Variants in MYO18B observed in about 807,000 individuals in gnomAD.
The protein encoded by MYO18B is unconventional myosin-XVIIIb.
MYO18B carries 204 observed loss-of-function variants against 273.0 expected under a neutral mutation model. The ratio of observed to expected loss-of-function variants is 0.75; its 90% CI spans 0.67 to 0.84. The LOEUF is 0.84. Ranked by LOEUF, MYO18B falls within the 40% of genes least tolerant of loss-of-function variation. MYO18B has a pLI of 0.00. For missense variants in MYO18B, 3,212 were observed against 3,287.6 expected (o/e 0.98, Z 0.56); for synonymous variants, 1,330 against 1,305.7 (o/e 1.02, Z -0.40).
chr22:25,856,707 A>G (rs1178920263), intron 21 of MYO18B, among the ~76,000 whole-genome samples: 1 of 152,174 alleles, frequency 6.6e-6, no homozygotes, highest in African/African-American at 2.4e-5. Flanking sequence ...GGAGGTGCAT[A>G]GATAGTTTCG....
intron 43 of MYO18B, among the ~76,000 whole-genome samples, chr22:26,029,491 G>C (rs1042912958): frequency 6.6e-6 from 1 of 152,146 alleles, no homozygotes; most frequent in African/African-American, 2.4e-5. Flanking sequence ...TGCTCTCGGG[G>C]ACACAGAAAG....
downstream of MYO18B, among the ~76,000 whole-genome samples, chr22:26,033,829 CTTCTTTCTTTCT>C (rs200125705): frequency 2.9e-5 from 3 of 103,652 alleles, 1 homozygote; most frequent in African/African-American, 1.4e-4. Flanking sequence ...TCCTCCCTTC[CTTCTTTCTTTCT>C]TTCCTTTCTT....
chr22:25,875,739 A>G (rs1320982339), intron 23 of MYO18B, among the ~76,000 whole-genome samples: 3 of 152,188 alleles, frequency 2.0e-5, no homozygotes, highest in African/African-American at 7.2e-5. Flanking sequence ...CTGTTTAAAT[A>G]CACTGTGAAA....
intron 35 of MYO18B, among the ~76,000 whole-genome samples, 192 bp from the exon 36 acceptor site, chr22:25,947,519 CA>C (rs1370278353): frequency 1.2e-4 from 18 of 151,126 alleles, no homozygotes; most frequent in South Asian, 4.2e-4. Flanking sequence ...CACACACACA[CA>C]CACACACACA....
intron 36 of MYO18B, among the ~76,000 whole-genome samples, chr22:25,948,337 C>T (rs1285932222): frequency 5.9e-5 from 9 of 152,196 alleles, no homozygotes; most frequent in South Asian, 2.1e-4. Context: ...ATTCATCCAT[C>T]CTACCACCGC....
At chr22:25,931,345 A>T (rs1427704870) in intron 34 of MYO18B, among the ~76,000 whole-genome samples, 1 of 152,242 alleles carries the variant, frequency 6.6e-6, no homozygotes, top group Non-Finnish European at 1.5e-5. Context: ...ATCTCCCCAA[A>T]AGGACCTGTT....
In MYO18B at chr22:25,895,061, A is replaced by G. The variant is rs1174593006; in HGVS notation, c.4544-95A>G. ...GGCTCTGTGAATATTGTGAAATTGC[A>G]TGCCAAGAGCCAAGAAAGTGGAGGA... is the stretch of plus-strand genomic sequence containing the variant. On this transcript the variant is annotated intron_variant, in intron 27 of 43. Transcript: ENST00000335473. 6 of 1,429,832 alleles carry G rather than the reference A, an allele frequency of 4.2e-6. No homozygotes were observed. The Admixed American group carries it at 6.4e-5, about 15-fold the overall frequency. The allele number at this position is 1,429,832 out of a possible 1,614,324, so 88.6% of individuals were successfully genotyped here. A position where few individuals can be genotyped will look rare whatever the true frequency, so the allele number is the denominator to read the frequency against.
chr22:25,878,078 T>TG, intron 25 of MYO18B, 30 bp downstream of exon 25: 1 of 1,521,834 alleles, frequency 6.6e-7, no homozygotes, highest in Non-Finnish European at 8.9e-7. Flanking sequence ...TGGGTCCTTG[T>TG]GGGGGGTCTT....
At chr22:25,757,639 G>A (rs1353768251) in intron 1 of MYO18B, among the ~76,000 whole-genome samples, 1 of 151,992 alleles carries the variant, frequency 6.6e-6, no homozygotes, top group Admixed American at 6.6e-5. Flanking sequence ...GGTTACTCTG[G>A]CAGCTGGGAT....
chr22:26,012,170 A>G (rs1370094680), intron 42 of MYO18B, among the ~76,000 whole-genome samples: 2 of 152,234 alleles, frequency 1.3e-5, no homozygotes, highest in Non-Finnish European at 2.9e-5. Flanking sequence ...TACAGACAGG[A>G]AGCCAAAGAT....
Position 26,027,429 on chromosome 22 carries a change from C to G in MYO18B, c.7455C>G (p.Leu2485=), listed in dbSNP as rs373676374. ...FETEEANRSF[L]SGIKTILKKS... ...CGGAAGAGGCTAACCGTTCCTTTCT[C>G]TCGGGGATCAAGACCATTTTGAAGA... The change falls in exon 43 of 44, where the codon CTC becomes CTG. Residue 2485 remains leucine, a synonymous_variant. Transcript: ENST00000335473. The surrounding 1 kb of genome is among the most constrained non-coding windows in gnomAD (Gnocchi z 4.1). 2.5e-6 allele frequency: 4 copies of G among 1,613,874 alleles called. No individual in the cohort carries two copies. The highest frequency in any genetic ancestry group is 3.4e-6 in the Non-Finnish European group (4 of 1,179,888).
At chr22:25,850,469 G>A (rs776869572) in intron 20 of MYO18B, among the ~76,000 whole-genome samples, 4 of 152,136 alleles carry the variant, frequency 2.6e-5, no homozygotes, top group Non-Finnish European at 4.4e-5. Flanking sequence ...TGTAAAATGA[G>A]GATGATAACA....
chr22:25,945,021 A>G (rs2092688501), intron 34 of MYO18B, among the ~76,000 whole-genome samples: 1 of 152,114 alleles, frequency 6.6e-6, no homozygotes, highest in African/African-American at 2.4e-5. Context: ...CTAGGATAGG[A>G]GGCCTACTGT....
At chr22:25,986,595 A>G (rs1380753560) in intron 39 of MYO18B, among the ~76,000 whole-genome samples, 1 of 152,234 alleles carries the variant, frequency 6.6e-6, no homozygotes, top group Non-Finnish European at 1.5e-5. Flanking sequence ...CTTATTTAAC[A>G]CGTATTTATT....
chr22:25,755,682 G>T (rs1434121416), intron 1 of MYO18B, among the ~76,000 whole-genome samples: 1 of 152,182 alleles, frequency 6.6e-6, no homozygotes, highest in Non-Finnish European at 1.5e-5. Context: ...TAATCAGCGA[G>T]TTCTTGCTCT....
Position 25,768,314 on chromosome 22 carries a change from C to T in MYO18B, c.398C>T (p.Ser133Phe). ...INGEKAQELGSSATPTKKTVP... is the reference protein window; with the variant it reads ...INGEKAQELGFSATPTKKTVP... ...GGTGAGAAGGCCCAGGAGCTGGGCTCCAGTGCGACACCAACCAAAAAGACT... is the reference window on the plus strand; with the variant it reads ...GGTGAGAAGGCCCAGGAGCTGGGCTTCAGTGCGACACCAACCAAAAAGACT... Residue 133 changes from serine to phenylalanine, a missense_variant, in exon 4 of 44, where the codon TCC becomes TTC. By Grantham distance (155) the Ser-to-Phe change is radical. Transcript: ENST00000335473. 6.2e-7 allele frequency: 1 copy of T among 1,613,782 alleles called. No individual in the cohort carries two copies.
At position 25,828,872 on chromosome 22, in the gene MYO18B, C is replaced by T. The variant is rs1429443865; in HGVS notation, c.2883C>T (p.Ala961=). ...GGCACCAGGGCAAGGACCGGGCGGC[C>T]ACCTTTGAGGAGCTGTGCCACAACT... ...NPRHQGKDRA[A]TFEELCHNYA... is the part of the protein sequence containing the mutation. Residue 961 remains alanine, a synonymous_variant, in exon 15 of 44, where the codon GCC becomes GCT. Transcript: ENST00000335473. 6.2e-7 allele frequency: 1 copy of T among 1,613,898 alleles called. No homozygotes were observed. Among genetic ancestry groups the T allele is most frequent in the Non-Finnish European group, 8.5e-7 (1 of 1,179,896 alleles).
chr22:25,942,933 T>C (rs1319946205), intron 34 of MYO18B, among the ~76,000 whole-genome samples: 2 of 151,974 alleles, frequency 1.3e-5, no homozygotes, highest in Admixed American at 6.5e-5. Flanking sequence ...GAAAGAGCAT[T>C]TCTGGATCAT....
At chr22:25,814,509 T>C (rs543283450) in intron 12 of MYO18B, among the ~76,000 whole-genome samples, 2 of 152,000 alleles carry the variant, frequency 1.3e-5, no homozygotes, top group East Asian at 1.9e-4. Flanking sequence ...ATGGAGTAGA[T>C]GCTATTATCT....
Sources: gnomAD v4.1 joint callset for allele counts (sites outside exome capture counted in the v4.1 genomes callset) on GRCh38, gnomAD v4.1.1 for gene constraint, Gnocchi (gnomAD v3.1) non-coding constraint, MANE v1.5 for transcripts, NCBI Gene and HGNC (gene_info 2026-07-23, HGNC 2026-07-21) for gene names.